Variants in CDH18 observed in about 807,000 individuals in gnomAD.
The protein encoded by CDH18 is cadherin-18.
CDH18 carries 31 observed loss-of-function variants against 67.9 expected under a neutral mutation model. That is an observed-to-expected ratio of 0.46 (90% confidence interval 0.34 to 0.62). The LOEUF (loss-of-function observed/expected upper bound fraction) is 0.62. Ranked by LOEUF, CDH18 falls within the 20% of genes least tolerant of loss-of-function variation. The probability of loss-of-function intolerance (pLI) is 0.01; values close to 1 mark genes in which losing one functional copy is unlikely to be tolerated. For missense variants in CDH18, 890 were observed against 975.5 expected (o/e 0.91, Z 1.17); for synonymous variants, 362 against 347.2 (o/e 1.04, Z -0.48).
At chr5:20,118,025 A>C (rs979359832) in intron 2 of CDH18, among the ~76,000 whole-genome samples, 1 of 152,182 alleles carries the variant, frequency 6.6e-6, no homozygotes, top group Non-Finnish European at 1.5e-5. Flanking sequence ...TGCTAATTCC[A>C]CTGTAATTCT....
chr5:19,861,403 C>T (rs1337463560), intron 2 of CDH18, among the ~76,000 whole-genome samples: 1 of 151,982 alleles, frequency 6.6e-6, no homozygotes, highest in Non-Finnish European at 1.5e-5. Context: ...CCAGAGGGGG[C>T]TGTGTAAGAA....
At chr5:20,092,094 G>A (rs1483180568) in intron 2 of CDH18, among the ~76,000 whole-genome samples, 3 of 152,014 alleles carry the variant, frequency 2.0e-5, no homozygotes, top group Non-Finnish European at 2.9e-5. Flanking sequence ...TTTTACTGTA[G>A]TATAAGATGC....
At chr5:19,837,795 T>C (rs1314222691) in intron 3 of CDH18, among the ~76,000 whole-genome samples, 2 of 114,804 alleles carry the variant, frequency 1.7e-5, no homozygotes, top group Non-Finnish European at 3.9e-5. Context: ...AAAGTGAGAA[T>C]AAATCATCAA....
intron 1 of CDH18, among the ~76,000 whole-genome samples, chr5:20,361,717 T>A (rs1020040757): frequency 6.6e-5 from 10 of 152,144 alleles, no homozygotes; most frequent in African/African-American, 2.4e-4. Flanking sequence ...TAATACTGTA[T>A]CTATATTATC....
At chr5:20,016,497 A>C (rs1737893798) in intron 2 of CDH18, among the ~76,000 whole-genome samples, 1 of 152,206 alleles carries the variant, frequency 6.6e-6, no homozygotes, top group Admixed American at 6.5e-5. Flanking sequence ...AAATGTGAGA[A>C]AAAGACAGTG....
Position 20,418,794 on chromosome 5 carries a change from C to A in CDH18, c.-580+156668G>T, listed in dbSNP as rs1113639. 6.1e-3 allele frequency among the ~76,000 whole-genome samples: 934 copies of A among 152,040 alleles called. 1 individual carries two copies. The highest frequency in any genetic ancestry group is 9.4e-3 in the Non-Finnish European group (638 of 67,992). The stretch of plus-strand genomic sequence containing the variant: ...CAATGGGCTGAATGTTTGTGTCACC[C>A]CAAAATCATACGTTGAAATCCTCAC... On this transcript the variant is annotated intron_variant, in intron 1 of 14. Transcript: ENST00000507958.
intron 2 of CDH18, among the ~76,000 whole-genome samples, chr5:20,205,584 A>G (rs1464295171): frequency 6.6e-6 from 1 of 151,958 alleles, no homozygotes; most frequent in African/African-American, 2.4e-5. Context: ...CAGCACTTGG[A>G]ACAATCTTCA....
At chr5:19,818,723 A>C (rs1048082275) in intron 3 of CDH18, among the ~76,000 whole-genome samples, 1 of 152,198 alleles carries the variant, frequency 6.6e-6, no homozygotes, top group Non-Finnish European at 1.5e-5. Context: ...ACCATAGATA[A>C]TTGTAACACA....
intron 12 of CDH18, among the ~76,000 whole-genome samples, chr5:19,476,982 T>A (rs1003154122): frequency 6.6e-6 from 1 of 151,784 alleles, no homozygotes; most frequent in East Asian, 1.9e-4. Flanking sequence ...ATATTATGAT[T>A]CAAAATATAG....
At chr5:19,994,036 T>C (rs994501804) in intron 2 of CDH18, among the ~76,000 whole-genome samples, 12 of 152,114 alleles carry the variant, frequency 7.9e-5, no homozygotes, top group African/African-American at 1.2e-4. Context: ...TTGGAGAAAA[T>C]GCTTTCTGAG....
chr5:20,379,745 A>C (rs752760139), intron 1 of CDH18, among the ~76,000 whole-genome samples: 2 of 152,040 alleles, frequency 1.3e-5, no homozygotes, highest in Non-Finnish European at 2.9e-5. Context: ...ATCAGGCAAT[A>C]AAAATATTAA....
intron 1 of CDH18, among the ~76,000 whole-genome samples, chr5:20,347,648 A>G (rs1740811880): frequency 6.6e-6 from 1 of 152,216 alleles, no homozygotes; most frequent in East Asian, 1.9e-4. Context: ...ATCAAAATAA[A>G]TATCTTTGTC....
chr5:19,983,932 A>G (rs958173798), intron 1 of CDH18, among the ~76,000 whole-genome samples: 1 of 152,182 alleles, frequency 6.6e-6, no homozygotes, highest in African/African-American at 2.4e-5. Context: ...AATACTAAAT[A>G]TGGTAGGGAC....
At chr5:19,900,614 A>C (rs2150110915) in intron 2 of CDH18, among the ~76,000 whole-genome samples, 1 of 152,324 alleles carries the variant, frequency 6.6e-6, no homozygotes, top group Non-Finnish European at 1.5e-5. Flanking sequence ...GAAAAATAAT[A>C]AACAAGATAT....
rs549617630 is a variant in CDH18 at position 20,425,315 on chromosome 5, A to G, written c.-580+150147T>C. Among the ~76,000 whole-genome samples the G allele has an allele frequency of 5.3e-5, 8 of 150,768 alleles. No homozygotes were observed. The South Asian group carries it at 1.5e-3, about 27-fold the overall frequency. Reference sequence around the variant, plus strand: ...CAACATGGGAGGTGGAGGTTGCAGTAAGCCAAGATTGCGCGATTGCACTCC... The same window carrying G: ...CAACATGGGAGGTGGAGGTTGCAGTGAGCCAAGATTGCGCGATTGCACTCC... On this transcript the variant is annotated intron_variant, in intron 1 of 14. Transcript: ENST00000507958.
rs114341016 is a variant in CDH18 at position 19,637,401 on chromosome 5, T to C, written c.644-24800A>G. On this transcript the variant is annotated intron_variant, in intron 5 of 12. Transcript: ENST00000382275. ...CTCTATTTAATATCACACATTTCCT[T>C]GTTCTGGTCCCTACACTACTGATTC... Among the ~76,000 whole-genome samples the C allele has an allele frequency of 5.1e-3, 769 of 151,838 alleles. 4 individuals carry two copies. Among genetic ancestry groups the C allele is most frequent in the African/African-American group, 0.018 (741 of 41,436 alleles).
intron 1 of CDH18, among the ~76,000 whole-genome samples, chr5:20,474,456 A>G (rs1269072598): frequency 1.3e-5 from 2 of 152,122 alleles, no homozygotes; most frequent in Admixed American, 6.5e-5. Flanking sequence ...AAACATACAC[A>G]TGGGACCCTG....
intron 1 of CDH18, among the ~76,000 whole-genome samples, chr5:20,328,504 T>A (rs965521214): frequency 2.9e-3 from 310 of 107,970 alleles, no homozygotes; most frequent in African/African-American, 7.6e-3. Flanking sequence ...TGTGTGTGTG[T>A]GTGTGAGAGA....
chr5:20,424,430 A>T (rs1172837646), intron 1 of CDH18, among the ~76,000 whole-genome samples: 2 of 150,666 alleles, frequency 1.3e-5, no homozygotes, highest in Non-Finnish European at 2.9e-5. Flanking sequence ...GTTTCCAAGA[A>T]CAATATTATA....
Sources: gnomAD v4.1 joint callset for allele counts (sites outside exome capture counted in the v4.1 genomes callset) on GRCh38, gnomAD v4.1.1 for gene constraint, MANE v1.5 for transcripts, NCBI Gene and HGNC (gene_info 2026-07-23, HGNC 2026-07-21) for gene names.